The following FGF22 variants were observed in gnomAD, a reference collection of about 807,000 sequenced individuals.
FGF22 encodes FGF-22.
Under a neutral mutation model 10.3 loss-of-function variants are expected in FGF22, and 11 were observed. The observed-to-expected ratio is 1.07, with a 90% CI of 0.67 to 1.77. The LOEUF (loss-of-function observed/expected upper bound fraction) is 1.77, where lower values mean the gene tolerates loss of function less well. Ranked by LOEUF, FGF22 falls within the 40% of genes most tolerant of loss-of-function variation. The pLI is 0.00. For synonymous variants in FGF22, 136 were observed against 122.1 expected, an observed-to-expected ratio of 1.11 and a Z score of -0.75; for missense variants, 317 against 273.2, an observed-to-expected ratio of 1.16 and a Z score of -1.13.
chr19:641,300 G>C (rs1025018736), intron 1 of FGF22: 3 of 454,438 alleles, frequency 6.6e-6, no homozygotes, highest in Admixed American at 4.7e-5. Flanking sequence ...CGGTTGGCCG[G>C]GTGCAGTGGC....
intron 1 of FGF22, chr19:641,714 T>A (rs1272668637): frequency 5.9e-6 from 1 of 168,482 alleles, no homozygotes; most frequent in African/African-American, 2.4e-5. Context: ...GGGGAGATCG[T>A]GACACAGACG....
chr19:641,039 C>T (rs1005634555), intron 1 of FGF22: 2 of 388,538 alleles, frequency 5.1e-6, no homozygotes, highest in Non-Finnish European at 1.0e-5. Context: ...GCTGCCTGAC[C>T]TGGAACAGTC....
At chr19:640,930 G>A (rs113763498) in intron 1 of FGF22, 248 of 328,626 alleles carry the variant, frequency 7.5e-4, no homozygotes, top group African/African-American at 5.0e-3. Context: ...TCATTAGGCC[G>A]CACGTGACGA....
exon 3 of FGF22, chr19:643,666 C>T: frequency 7.5e-7 from 1 of 1,326,054 alleles, no homozygotes; most frequent in African/African-American, 1.5e-5. Flanking sequence ...CCCGGCCACG[C>T]TTGTTCTTCC....
At chr19:640,955 C>A (rs1424307054) in intron 1 of FGF22, 4 of 344,206 alleles carry the variant, frequency 1.2e-5, no homozygotes, top group South Asian at 8.6e-5. Flanking sequence ...GGACAGGGGA[C>A]TGGCTGGGCC....
At chr19:641,403 C>T (rs895018336) in intron 1 of FGF22, 5 of 373,626 alleles carry the variant, frequency 1.3e-5, no homozygotes, top group African/African-American at 4.2e-5. Context: ...GGTGAAACCC[C>T]GTCTCTACCA....
chr19:643,918 C>T (rs866483471), exon 3 of FGF22: 17 of 86,502 alleles, frequency 2.0e-4, no homozygotes, highest in Middle Eastern at 4.5e-3. Flanking sequence ...GTGGGGAGCA[C>T]GTTGGGAGTG....
At position 640,181 on chromosome 19, in the gene FGF22, G is replaced by C. The variant is rs545679895; in HGVS notation, c.214+42G>C. On this transcript the variant is annotated intron_variant, in intron 1 of 2. Coordinates refer to ENST00000215530, the Ensembl canonical transcript of FGF22. ...GGGGGCCTGGGGTGGGGAGGCGGCG[G>C]GTGACGGCAACGCGGCCGCCGTCTT... 1.5e-4 allele frequency: 188 copies of C among 1,230,580 alleles called. 1 individual carries two copies. The South Asian group carries it at 4.7e-3, about 31-fold the overall frequency. 76.2% of individuals were successfully genotyped at this position (1,230,580 alleles called of 1,614,324 possible).
At chr19:643,418 C>T (rs771517818) in exon 3 of FGF22, 7 of 1,611,058 alleles carry the variant, frequency 4.3e-6, no homozygotes, top group African/African-American at 4.0e-5. Context: ...AGCGACTCTA[C>T]ACCGTGGACT....
At chr19:643,575 G>T (rs755440550) in exon 3 of FGF22, 3 of 1,564,946 alleles carry the variant, frequency 1.9e-6, no homozygotes, top group Middle Eastern at 1.9e-4. Context: ...CCACCTGTCC[G>T]CCCACTTCCT....
At chr19:640,965 C>A (rs1003909494) in intron 1 of FGF22, 1 of 352,414 alleles carries the variant, frequency 2.8e-6, no homozygotes, top group African/African-American at 2.1e-5. Flanking sequence ...CTGGCTGGGC[C>A]GGTCCATCCA....
intron 1 of FGF22, chr19:641,161 T>C (rs917986576): frequency 6.6e-6 from 3 of 456,364 alleles, no homozygotes; most frequent in Middle Eastern, 3.2e-4. Context: ...GGGCACCTTG[T>C]GGGTGCTGTG....
rs1985975847 is a variant in FGF22 at position 643,407 on chromosome 19, C to G, written c.319-3C>G. On this transcript the variant is annotated splice_polypyrimidine_tract_variant and splice_region_variant and intron_variant, in intron 2 of 2. Coordinates refer to ENST00000215530, the Ensembl canonical transcript of FGF22. ...GGTGGGCCGGCCTCACCCCCGCCCG[C>G]AGCGACTCTACACCGTGGACTGCAG... is the stretch of plus-strand genomic sequence containing the variant. 6.2e-7 allele frequency: 1 copy of G among 1,610,166 alleles called. No individual in the cohort carries two copies. The highest frequency in any genetic ancestry group is 2.2e-5 in the East Asian group (1 of 44,788).
chr19:643,863 G>A (rs919991926), exon 3 of FGF22: 9 of 478,532 alleles, frequency 1.9e-5, no homozygotes, highest in Middle Eastern at 1.1e-3. Context: ...TCGAAAGGTC[G>A]AGGGGGACGT....
chr19:640,060 C>T (rs994080533), exon 1 of FGF22: 37 of 1,419,580 alleles, frequency 2.6e-5, no homozygotes, highest in Non-Finnish European at 3.2e-5. Context: ...GGCGGCGCCT[C>T]TTCTCCTCCA....
chr19:644,312 T>A (rs888470175), exon 3 of FGF22: 1 of 152,320 alleles, frequency 6.6e-6, no homozygotes, highest in Non-Finnish European at 1.5e-5. Flanking sequence ...ATGAGCCCAG[T>A]GGGACCCAGT....
In FGF22 at chr19:641,223, C is replaced by T. The variant is rs1985888044; in HGVS notation, c.214+1084C>T. 3 of 456,362 alleles carry T rather than the reference C, an allele frequency of 6.6e-6. No individual in the cohort carries two copies. The Admixed American group carries it at 7.0e-5, about 11-fold the overall frequency. The allele number at this position is 456,362 out of a possible 1,614,324, so 28.3% of individuals were successfully genotyped here. A position where few individuals can be genotyped will look rare whatever the true frequency, so the allele number is the denominator to read the frequency against. On this transcript the variant is annotated intron_variant, in intron 1 of 2. Transcript: ENST00000215530. ...AGAGACGCCCACCCTCCTGGGGCTC[C>T]CAGAGCAGAGGCGCGCAGCAGTTAG...
chr19:641,395 T>C (rs1251482928), intron 1 of FGF22: 3 of 388,046 alleles, frequency 7.7e-6, no homozygotes, highest in Non-Finnish European at 1.6e-5. Context: ...GCTAACACGG[T>C]GAAACCCCGT....
exon 2 of FGF22, chr19:643,256 T>C: frequency 6.2e-7 from 1 of 1,611,682 alleles, no homozygotes; most frequent in Non-Finnish European, 8.5e-7. Context: ...ATCCGCTCTG[T>C]ACACGTGGGC....
Sources: allele counts gnomAD v4.1 joint callset, GRCh38; gene constraint gnomAD v4.1.1; transcripts MANE v1.5; gene names NCBI Gene and HGNC (gene_info 2026-07-23, HGNC 2026-07-21).